NRP2: variants seen among roughly 807,000 people sequenced by gnomAD.
The protein encoded by NRP2 is neuropilin 2.
Under a neutral mutation model 110.4 loss-of-function variants are expected in NRP2, and 52 were observed. The ratio of observed to expected loss-of-function variants is 0.47; its 90% CI spans 0.38 to 0.59. The LOEUF (loss-of-function observed/expected upper bound fraction) is 0.59, where lower values mean the gene tolerates loss of function less well. NRP2 is among the 20% of genes least tolerant of loss of function. The probability of loss-of-function intolerance (pLI) is 0.00; values close to 1 mark genes in which losing one functional copy is unlikely to be tolerated. For synonymous variants in NRP2, 508 were observed against 468.9 expected, an observed-to-expected ratio of 1.08 and a Z score of -1.08; for missense variants, 1,049 against 1,203.0, an observed-to-expected ratio of 0.87 and a Z score of 1.89.
chr2:205,770,649 CAG>C (rs2058007237), intron 15 of NRP2, among the ~76,000 whole-genome samples: 1 of 152,172 alleles, frequency 6.6e-6, no homozygotes, highest in African/African-American at 2.4e-5. Flanking sequence ...TTCTGAGATG[CAG>C]AGAGGGTTAA....
At chr2:205,786,546 C>G (rs1292180929) in intron 15 of NRP2, among the ~76,000 whole-genome samples, 1 of 152,220 alleles carries the variant, frequency 6.6e-6, no homozygotes, top group Non-Finnish European at 1.5e-5. Flanking sequence ...TCTCTACCCT[C>G]CCTCCTCAAT....
chr2:205,748,896 G>A (rs2057589479), intron 10 of NRP2, among the ~76,000 whole-genome samples: 1 of 152,224 alleles, frequency 6.6e-6, no homozygotes, highest in Admixed American at 6.5e-5. Context: ...ATGAATAGGT[G>A]AATGAATCAC....
At chr2:205,685,777 A>AGGCCGAGGCCGGC (rs1213359945) in intron 1 of NRP2, 4 of 152,118 alleles carry the variant, frequency 2.6e-5, no homozygotes, top group African/African-American at 9.7e-5. Context: ...GAGTGGCGGG[A>AGGCCGAGGCCGGC]GGCCGAGGCC....
intron 2 of NRP2, among the ~76,000 whole-genome samples, chr2:205,710,914 T>TTCCC (rs768780816): frequency 5.9e-5 from 9 of 152,228 alleles, no homozygotes; most frequent in Non-Finnish European, 1.3e-4. Flanking sequence ...TCAAATCACT[T>TTCCC]TGACAGCATT....
chr2:205,737,039 T>G (rs544616688), intron 7 of NRP2, among the ~76,000 whole-genome samples: 1 of 152,342 alleles, frequency 6.6e-6, no homozygotes, highest in Non-Finnish European at 1.5e-5. Flanking sequence ...TCATTAAAAA[T>G]GGATTTTCAT....
chr2:205,782,251 C>T (rs1367183153), intron 15 of NRP2, among the ~76,000 whole-genome samples: 1 of 152,034 alleles, frequency 6.6e-6, no homozygotes, highest in Non-Finnish European at 1.5e-5. Context: ...AGCTAAAGTC[C>T]CGTGGGCATT....
At chr2:205,757,261 G>T (rs2057748852) in intron 12 of NRP2, among the ~76,000 whole-genome samples, 1 of 152,232 alleles carries the variant, frequency 6.6e-6, no homozygotes, top group African/African-American at 2.4e-5. Context: ...ATGGGAGTAA[G>T]TCGAGAATCT....
intron 7 of NRP2, among the ~76,000 whole-genome samples, chr2:205,731,591 T>A (rs1188995919): frequency 6.6e-6 from 1 of 152,212 alleles, no homozygotes; most frequent in Non-Finnish European, 1.5e-5. Flanking sequence ...AAAGCCCTTA[T>A]CTTCAGTTCC....
intron 11 of NRP2, among the ~76,000 whole-genome samples, chr2:205,752,293 G>T (rs189763702): frequency 2.6e-5 from 4 of 152,274 alleles, no homozygotes; most frequent in African/African-American, 9.6e-5. Context: ...AAATAGAGAC[G>T]GATCACAAAG....
intron 1 of NRP2, among the ~76,000 whole-genome samples, chr2:205,683,602 A>G (rs760095397): frequency 5.3e-5 from 8 of 151,990 alleles, no homozygotes; most frequent in African/African-American, 9.7e-5. Context: ...GTTTTGAAAC[A>G]GAATTTGGCG....
intron 9 of NRP2, among the ~76,000 whole-genome samples, chr2:205,743,879 G>C (rs1386956947): frequency 2.0e-5 from 3 of 152,082 alleles, no homozygotes; most frequent in Non-Finnish European, 4.4e-5. Flanking sequence ...GAGTGGCTGG[G>C]ATTACAGGTG....
At chr2:205,721,264 A>G (rs2057005870) in intron 3 of NRP2, among the ~76,000 whole-genome samples, 1 of 152,194 alleles carries the variant, frequency 6.6e-6, no homozygotes, top group African/African-American at 2.4e-5. Context: ...TCCTGACAGT[A>G]AACACCCAGT....
intron 16 of NRP2, among the ~76,000 whole-genome samples, chr2:205,794,508 G>A (rs2105979237): frequency 6.6e-6 from 1 of 152,330 alleles, no homozygotes; most frequent in South Asian, 2.1e-4. Flanking sequence ...CAACCCAGTT[G>A]AGGCAGATTT....
At chr2:205,754,847 G>A (rs35093057) in intron 12 of NRP2, among the ~76,000 whole-genome samples, 5 of 152,076 alleles carry the variant, frequency 3.3e-5, no homozygotes, top group Non-Finnish European at 7.4e-5. Context: ...CAGCAGAGGC[G>A]CTTGGAATAA....
At chr2:205,770,847 C>T (rs1416222771) in intron 15 of NRP2, among the ~76,000 whole-genome samples, 3 of 152,078 alleles carry the variant, frequency 2.0e-5, no homozygotes, top group Admixed American at 6.5e-5. Context: ...ATGTGTGAAG[C>T]GGGTAACTGC....
At position 205,763,599 on chromosome 2, in the gene NRP2, G is replaced by T; in HGVS notation, c.2045-75G>T. The T allele has an allele frequency of 6.3e-7, 1 of 1,598,512 alleles. No individual in the cohort carries two copies. Among genetic ancestry groups the T allele is most frequent in the Non-Finnish European group, 8.6e-7 (1 of 1,167,320 alleles). ...GAAACTCAGTCCCAACTTTCCCTTG[G>T]AGAGGCCACAGCAGCACACTGGTGT... On this transcript the variant is annotated intron_variant, in intron 12 of 16. Transcript: ENST00000357785. This position sits in a 1 kb window ranked among gnomAD's most constrained non-coding sequence, Gnocchi z 4.0.
At position 205,766,830 on chromosome 2, in the gene NRP2, T is replaced by A. The variant is rs7600985; in HGVS notation, c.2425+27T>A. The stretch of plus-strand genomic sequence containing the variant: ...TGAGAATTTTAAAGGTAAAAAAAAA[T>A]TTTTTTTTTGCATGCTTTTTCCTTC... On this transcript the variant is annotated intron_variant, in intron 15 of 16. Coordinates refer to ENST00000357785, the MANE Select transcript of NRP2 (RefSeq NM_003872.3). The A allele has an allele frequency of 1.1e-3, 1,654 of 1,502,676 alleles. 11 individuals carry two copies. The African/African-American group carries it at 0.019, about 17-fold the overall frequency. 93.1% of individuals were successfully genotyped at this position (1,502,676 alleles called of 1,614,324 possible).
chr2:205,716,409 G>A (rs762777063), intron 3 of NRP2, 35 bp downstream of exon 3: 2 of 1,609,908 alleles, frequency 1.2e-6, no homozygotes, highest in Non-Finnish European at 1.7e-6. Flanking sequence ...CGGGAGATGG[G>A]CGTCTTAGAG....
chr2:205,729,569 G>C (rs2105832027), intron 7 of NRP2, among the ~76,000 whole-genome samples: 1 of 152,330 alleles, frequency 6.6e-6, no homozygotes, highest in East Asian at 1.9e-4. Flanking sequence ...CCCGGGGAGA[G>C]GAGTGGGGCT....
Sources: gnomAD v4.1 joint callset for allele counts (sites outside exome capture counted in the v4.1 genomes callset) on GRCh38, gnomAD v4.1.1 for gene constraint, Gnocchi (gnomAD v3.1) non-coding constraint, MANE v1.5 for transcripts, NCBI Gene and HGNC (gene_info 2026-07-23, HGNC 2026-07-21) for gene names.